Variants in CNTNAP5 observed in about 807,000 individuals in gnomAD.
CNTNAP5 encodes the protein contactin-associated protein-like 5.
CNTNAP5 carries 72 observed loss-of-function variants against 150.2 expected under a neutral mutation model. The observed-to-expected ratio is 0.48, with a 90% CI of 0.40 to 0.58. CNTNAP5 has a LOEUF of 0.58. Among genes scored for constraint, CNTNAP5 ranks in the 20% least tolerant of loss-of-function variants. CNTNAP5 has a pLI of 0.00. For synonymous variants in CNTNAP5, 672 were observed against 619.8 expected, an observed-to-expected ratio of 1.08 and a Z score of -1.25; for missense variants, 1,636 against 1,626.2, an observed-to-expected ratio of 1.01 and a Z score of -0.10.
At position 124,253,997 on chromosome 2, in the gene CNTNAP5, G is replaced by A. The variant is rs560115393; in HGVS notation, c.381+11604G>A. Among the ~76,000 whole-genome samples the A allele has an allele frequency of 3.7e-4, 56 of 152,178 alleles. 1 individual carries two copies. Among genetic ancestry groups the A allele is most frequent in the Non-Finnish European group, 6.8e-4 (46 of 68,014 alleles). On this transcript the variant is annotated intron_variant, in intron 3 of 23. Coordinates refer to ENST00000682447, the MANE Select transcript of CNTNAP5 (RefSeq NM_001367498.1). ...GAACTTTGGATTTAGGCAAATCTGA[G>A]TTTGAATCCCTGCTACTTACTGATG...
chr2:124,451,687 C>T (rs112093070), intron 6 of CNTNAP5, among the ~76,000 whole-genome samples: 6 of 152,102 alleles, frequency 3.9e-5, no homozygotes, highest in African/African-American at 1.4e-4. Flanking sequence ...TTCTGCAGGA[C>T]CCAGGAGGCA....
At chr2:124,706,824 G>GGA (rs1679660475) in intron 13 of CNTNAP5, among the ~76,000 whole-genome samples, 2 of 4,960 alleles carry the variant, frequency 4.0e-4, no homozygotes, top group Non-Finnish European at 5.3e-4. Flanking sequence ...AGGAGGAGGA[G>GGA]GAAGAGGAGG....
At chr2:124,610,039 C>T (rs1476111160) in intron 12 of CNTNAP5, 119 bp downstream of exon 12, 1 of 1,141,798 alleles carries the variant, frequency 8.8e-7, no homozygotes, top group Non-Finnish European at 1.2e-6. Flanking sequence ...AACTGGTCTC[C>T]TTTGGGGAGG....
intron 1 of CNTNAP5, among the ~76,000 whole-genome samples, chr2:124,187,156 C>A (rs1200579998): frequency 6.6e-6 from 1 of 152,064 alleles, no homozygotes; most frequent in African/African-American, 2.4e-5. Context: ...AAAGAGCAAC[C>A]TGGAAGGAAA....
rs192243798 is a variant in CNTNAP5 at position 124,498,981 on chromosome 2, T to C, written c.1063-5311T>C. On this transcript the variant is annotated intron_variant, in intron 7 of 23. Transcript: ENST00000682447. The stretch of plus-strand genomic sequence containing the variant: ...AAAAAAGAAACCTAAGCCTCTAGAA[T>C]TGACTTACCTCTGGCCACCCAGAAA... 2.4e-4 allele frequency among the ~76,000 whole-genome samples: 37 copies of C among 152,216 alleles called. 1 individual carries two copies. The East Asian group carries it at 6.4e-3, about 26-fold the overall frequency.
rs966560569 is a variant in CNTNAP5 at position 124,089,818 on chromosome 2, G to A, written c.82+64086G>A. On this transcript the variant is annotated intron_variant, in intron 1 of 23. Coordinates refer to ENST00000682447, the MANE Select transcript of CNTNAP5 (RefSeq NM_001367498.1). ...GAACAGAGTGTTTACAAGGGCAATGGATGCCTGGAATTTCCTGGCCTCACT... is the reference window on the plus strand; with the variant it reads ...GAACAGAGTGTTTACAAGGGCAATGAATGCCTGGAATTTCCTGGCCTCACT... Among the ~76,000 whole-genome samples the A allele has an allele frequency of 3.3e-5, 5 of 152,192 alleles. No individual in the cohort carries two copies. In the South Asian group the frequency reaches 1.0e-3, roughly 31 times the overall value.
At position 124,205,805 on chromosome 2, in the gene CNTNAP5, G is replaced by C. The variant is rs61294029; in HGVS notation, c.83-15900G>C. Among the ~76,000 whole-genome samples the C allele has an allele frequency of 4.8e-3, 731 of 152,254 alleles. 6 individuals are homozygous for C. Among genetic ancestry groups the C allele is most frequent in the African/African-American group, 0.017 (710 of 41,550 alleles). ...TTCTCTTTTTTCCTCTGTGTGTTTT[G>C]CTGCCTCCTTTTTTTCTCAGCCTGC... On this transcript the variant is annotated intron_variant, in intron 1 of 23. Coordinates refer to ENST00000682447, the MANE Select transcript of CNTNAP5 (RefSeq NM_001367498.1).
At chr2:124,804,753 T>A (rs2104649584) in intron 19 of CNTNAP5, among the ~76,000 whole-genome samples, 1 of 152,280 alleles carries the variant, frequency 6.6e-6, no homozygotes, top group South Asian at 2.1e-4. Context: ...ATAAATTGTG[T>A]TGTCTGAGTC....
At chr2:124,874,394 G>A (rs1362368970) in intron 21 of CNTNAP5, among the ~76,000 whole-genome samples, 1 of 152,076 alleles carries the variant, frequency 6.6e-6, no homozygotes, top group Admixed American at 6.6e-5. Context: ...AACATAGTGT[G>A]CTTTATCACT....
At chr2:124,403,260 AT>A (rs1235461708) in intron 3 of CNTNAP5, among the ~76,000 whole-genome samples, 3 of 152,012 alleles carry the variant, frequency 2.0e-5, no homozygotes, top group Non-Finnish European at 4.4e-5. Context: ...TTTTACAAGT[AT>A]TTTCTATTGG....
At chr2:124,032,068 C>T (rs1005915487) in intron 1 of CNTNAP5, among the ~76,000 whole-genome samples, 6 of 152,204 alleles carry the variant, frequency 3.9e-5, no homozygotes, top group African/African-American at 1.2e-4. Flanking sequence ...AAATATAGTC[C>T]ATAACCTCAA....
At chr2:124,409,766 C>A (rs1190630452) in intron 3 of CNTNAP5, among the ~76,000 whole-genome samples, 2 of 151,690 alleles carry the variant, frequency 1.3e-5, no homozygotes, top group Admixed American at 1.3e-4. Flanking sequence ...CCAGCCGCTG[C>A]AAAATCAAGC....
intron 14 of CNTNAP5, among the ~76,000 whole-genome samples, chr2:124,762,700 G>C (rs181244259): frequency 1.8e-4 from 28 of 152,242 alleles, no homozygotes; most frequent in African/African-American, 6.5e-4. Context: ...CCAGAGCACA[G>C]CTGTATACTT....
intron 2 of CNTNAP5, among the ~76,000 whole-genome samples, chr2:124,224,473 T>C (rs1686407137): frequency 6.6e-6 from 1 of 151,950 alleles, no homozygotes; most frequent in Non-Finnish European, 1.5e-5. Flanking sequence ...ACCATGTATA[T>C]GTGATATATA....
intron 11 of CNTNAP5, among the ~76,000 whole-genome samples, chr2:124,573,904 A>G (rs568412175): frequency 6.6e-6 from 1 of 152,366 alleles, no homozygotes; most frequent in East Asian, 1.9e-4. Flanking sequence ...ATTAAAGGCA[A>G]GAAACAGACA....
In CNTNAP5 at chr2:124,507,240, C is replaced by T. The variant is rs771060739; in HGVS notation, c.1327+2684C>T. On this transcript the variant is annotated intron_variant, in intron 8 of 23. Coordinates refer to ENST00000682447, the MANE Select transcript of CNTNAP5 (RefSeq NM_001367498.1). Reference sequence around the variant, plus strand: ...TTGAGAGGCCAAGGAGGGCAGATCTCATGAGCCCAGAAGTTCAAAATCAGC... The same window carrying T: ...TTGAGAGGCCAAGGAGGGCAGATCTTATGAGCCCAGAAGTTCAAAATCAGC... 2.5e-4 allele frequency among the ~76,000 whole-genome samples: 38 copies of T among 152,206 alleles called. 1 individual carries two copies. The highest frequency in any genetic ancestry group is 9.7e-4 in the East Asian group (5 of 5,150).
chr2:124,135,358 C>A (rs1464155136), intron 1 of CNTNAP5, among the ~76,000 whole-genome samples: 1 of 152,230 alleles, frequency 6.6e-6, no homozygotes, highest in African/African-American at 2.4e-5. Flanking sequence ...CACAGGCAAG[C>A]AAAGGGACCT....
At chr2:124,665,247 A>G (rs772391429) in intron 13 of CNTNAP5, among the ~76,000 whole-genome samples, 19 of 152,366 alleles carry the variant, frequency 1.2e-4, no homozygotes, top group Admixed American at 3.3e-4. Context: ...CACACCAAAG[A>G]AAAATCCATC....
chr2:124,456,162 C>T (rs1480116274), intron 6 of CNTNAP5, among the ~76,000 whole-genome samples: 2 of 152,128 alleles, frequency 1.3e-5, no homozygotes, highest in South Asian at 2.1e-4. Flanking sequence ...GTTACCTAGA[C>T]AACCCTAAAG....
Sources: allele counts gnomAD v4.1 joint callset (sites outside exome capture counted in the v4.1 genomes callset), GRCh38; gene constraint gnomAD v4.1.1; transcripts MANE v1.5; gene names NCBI Gene and HGNC (gene_info 2026-07-23, HGNC 2026-07-21).